BLK: variants seen among roughly 807,000 people sequenced by gnomAD.
BLK encodes the protein BLK proto-oncogene, Src family tyrosine kinase, also known as tyrosine-protein kinase Blk.
BLK carries 64 observed loss-of-function variants against 61.8 expected under a neutral mutation model. That is an observed-to-expected ratio of 1.03 (90% CI 0.85 to 1.27). BLK has a LOEUF of 1.27. BLK is among the 50% of genes most tolerant of loss of function. The pLI is 0.00. For synonymous variants in BLK, 351 were observed against 272.0 expected, an observed-to-expected ratio of 1.29 and a Z score of -2.86; for missense variants, 853 against 660.5, an observed-to-expected ratio of 1.29 and a Z score of -3.19.
chr8:11,562,514 T>C (rs1386626673), intron 11 of BLK, among the ~76,000 whole-genome samples: 2 of 152,188 alleles, frequency 1.3e-5, no homozygotes, highest in Admixed American at 1.3e-4. Context: ...GGCAGCCGGA[T>C]GTGAGTTCTT....
At chr8:11,521,981 G>A (rs769552106) in intron 1 of BLK, among the ~76,000 whole-genome samples, 2 of 152,138 alleles carry the variant, frequency 1.3e-5, no homozygotes, top group Non-Finnish European at 2.9e-5. Context: ...AATATAGATT[G>A]GAAACACATT....
chr8:11,544,786 A>T (rs1432177723), intron 2 of BLK, among the ~76,000 whole-genome samples: 1 of 152,218 alleles, frequency 6.6e-6, no homozygotes, highest in African/African-American at 2.4e-5. Context: ...ATTTTGCAAA[A>T]TGCTACTTCA....
Position 11,521,001 on chromosome 8 carries a change from A to G in BLK, c.-1-22223A>G, listed in dbSNP as rs955116692. Among the ~76,000 whole-genome samples, 4 of 152,334 alleles carry G rather than the reference A, an allele frequency of 2.6e-5. No individual in the cohort carries two copies. The South Asian group carries it at 6.2e-4, about 24-fold the overall frequency. On this transcript the variant is annotated intron_variant, in intron 1 of 12. Coordinates refer to ENST00000259089, the MANE Select transcript of BLK (RefSeq NM_001715.3). Reference sequence around the variant, plus strand: ...TTAAGTTAAATCAGAAAAATGAATGAGAAAGAATAATGAAGAAAATCTTTT... The same window carrying G: ...TTAAGTTAAATCAGAAAAATGAATGGGAAAGAATAATGAAGAAAATCTTTT...
intron 5 of BLK, among the ~76,000 whole-genome samples, chr8:11,549,547 GCC>G (rs1198517777): frequency 1.3e-5 from 2 of 152,124 alleles, no homozygotes; most frequent in Non-Finnish European, 2.9e-5. Flanking sequence ...TAATCCCCCA[GCC>G]CCCATCTTCT....
chr8:11,504,477 G>T (rs1477050350), intron 1 of BLK, among the ~76,000 whole-genome samples: 1 of 152,174 alleles, frequency 6.6e-6, no homozygotes, highest in East Asian at 1.9e-4. Flanking sequence ...CAAGGAAAGG[G>T]CCACAGAAGA....
intron 1 of BLK, among the ~76,000 whole-genome samples, chr8:11,525,271 T>C (rs1372269296): frequency 6.6e-6 from 1 of 152,244 alleles, no homozygotes; most frequent in African/African-American, 2.4e-5. Flanking sequence ...AGTTTATTAC[T>C]TTCTGTTTAA....
At chr8:11,541,419 A>G (rs1225383485) in intron 1 of BLK, among the ~76,000 whole-genome samples, 1 of 152,190 alleles carries the variant, frequency 6.6e-6, no homozygotes, top group African/African-American at 2.4e-5. Context: ...AAAGGTGAAC[A>G]TACATCATAT....
chr8:11,536,976 G>A (rs994903670), intron 1 of BLK, among the ~76,000 whole-genome samples: 6 of 152,060 alleles, frequency 3.9e-5, no homozygotes, highest in Admixed American at 2.0e-4. Context: ...TGTACCTTCC[G>A]CTATGCCTGA....
intron 1 of BLK, among the ~76,000 whole-genome samples, chr8:11,531,563 G>C (rs997134438): frequency 1.3e-5 from 2 of 152,054 alleles, no homozygotes. Flanking sequence ...ATGTACCTTG[G>C]TGTGGTTTTC....
At chr8:11,549,404 C>T (rs868208701) in intron 5 of BLK, among the ~76,000 whole-genome samples, 2 of 152,200 alleles carry the variant, frequency 1.3e-5, no homozygotes, top group Admixed American at 6.5e-5. Context: ...CTGATGGCCT[C>T]GAAGGCTACC....
rs570827311 is a variant in BLK at position 11,549,983 on chromosome 8, C to T, written c.369-176C>T. 76 of 668,880 alleles carry T rather than the reference C, an allele frequency of 1.1e-4. 1 individual carries two copies. The highest frequency in any genetic ancestry group is 4.2e-4 in the South Asian group (27 of 63,628). 41.4% of individuals were successfully genotyped at this position (668,880 alleles called of 1,614,324 possible). On this transcript the variant is annotated intron_variant, in intron 5 of 12. Transcript: ENST00000259089. Reference sequence around the variant, plus strand: ...ACAGGAAGCGGAACTGGAAGGGCAGCGGGGCAGAGGGCACTGACTCCATCA... The same window carrying T: ...ACAGGAAGCGGAACTGGAAGGGCAGTGGGGCAGAGGGCACTGACTCCATCA...
rs111660889 is a variant in BLK at position 11,517,636 on chromosome 8, G to C, written c.-2+23045G>C. The stretch of plus-strand genomic sequence containing the variant: ...TTTCTCAGGTGTGTGGGAGGAAACA[G>C]CATGTTGGGGGCCAGGAGACAGCCA... On this transcript the variant is annotated intron_variant, in intron 1 of 12. Coordinates refer to ENST00000259089, the MANE Select transcript of BLK (RefSeq NM_001715.3). Among the ~76,000 whole-genome samples the C allele has an allele frequency of 3.6e-3, 544 of 152,346 alleles. 1 individual carries two copies. The highest frequency in any genetic ancestry group is 0.013 in the African/African-American group (530 of 41,586).
At chr8:11,530,767 AC>A (rs1799852894) in intron 1 of BLK, among the ~76,000 whole-genome samples, 1 of 152,238 alleles carries the variant, frequency 6.6e-6, no homozygotes, top group Non-Finnish European at 1.5e-5. Context: ...TTTTCCAGTT[AC>A]TGAATGTTTT....
Position 11,561,536 on chromosome 8 carries a change from C to T in BLK, c.1180+84C>T, listed in dbSNP as rs147935690. 2,730 of 1,535,046 alleles carry T rather than the reference C, an allele frequency of 1.8e-3. 11 individuals are homozygous for T. The highest frequency in any genetic ancestry group is 2.9e-3 in the South Asian group (243 of 84,318). ...AAGCCGCCTTTAACTTCTCCCAGCACAGCCCTGAGGGAAGACACCTGAGGG... is the reference window on the plus strand; with the variant it reads ...AAGCCGCCTTTAACTTCTCCCAGCATAGCCCTGAGGGAAGACACCTGAGGG... On this transcript the variant is annotated intron_variant, in intron 11 of 12. Transcript: ENST00000259089.
intron 1 of BLK, among the ~76,000 whole-genome samples, chr8:11,505,517 G>A (rs899410081): frequency 3.3e-5 from 5 of 152,116 alleles, no homozygotes; most frequent in African/African-American, 1.2e-4. Flanking sequence ...AATAACACTT[G>A]TTCTCTCCTT....
intron 1 of BLK, among the ~76,000 whole-genome samples, chr8:11,535,203 G>C (rs1158713388): frequency 8.7e-6 from 1 of 115,392 alleles, no homozygotes; most frequent in African/African-American, 3.1e-5. Context: ...AAGAAGGAAA[G>C]AAAGAAAGAA....
intron 2 of BLK, 81 bp from the exon 3 acceptor site, chr8:11,545,971 C>A (rs1326543780): frequency 6.8e-7 from 1 of 1,465,132 alleles, no homozygotes; most frequent in Non-Finnish European, 9.6e-7. Context: ...ACCCTGGCTG[C>A]CCGGCTCAGC....
chr8:11,539,179 C>T (rs796727532), intron 1 of BLK, among the ~76,000 whole-genome samples: 26 of 151,702 alleles, frequency 1.7e-4, no homozygotes, highest in African/African-American at 6.3e-4. Context: ...CCTCCCCAGC[C>T]TCTTTCTGTG....
Position 11,561,240 on chromosome 8 carries a change from G to C in BLK, c.1030-62G>C, listed in dbSNP as rs762715079. On this transcript the variant is annotated intron_variant, in intron 10 of 12. Coordinates refer to ENST00000259089, the MANE Select transcript of BLK (RefSeq NM_001715.3). ...ACAGGGGCTGTGCGGGGGACACAGTGTGGGCTCGGTCTTGGCGTGGAGGCC... is the reference window on the plus strand; with the variant it reads ...ACAGGGGCTGTGCGGGGGACACAGTCTGGGCTCGGTCTTGGCGTGGAGGCC... The C allele has an allele frequency of 1.8e-5, 29 of 1,579,226 alleles. No homozygotes were observed. In the South Asian group the frequency reaches 3.3e-4, roughly 18 times the overall value.
Sources: gnomAD v4.1 joint callset for allele counts (sites outside exome capture counted in the v4.1 genomes callset) on GRCh38, gnomAD v4.1.1 for gene constraint, MANE v1.5 for transcripts, NCBI Gene and HGNC (gene_info 2026-07-23, HGNC 2026-07-21) for gene names.